The following CDH18 variants were observed in gnomAD, a reference collection of about 807,000 sequenced individuals.
The protein encoded by CDH18 is cadherin 18, also known as cadherin-18.
In CDH18, 31 loss-of-function variants were observed where a neutral mutation model predicts 67.9. The ratio of observed to expected loss-of-function variants is 0.46; its 90% CI spans 0.34 to 0.62. The LOEUF (loss-of-function observed/expected upper bound fraction) is 0.62. CDH18 is among the 20% of genes least tolerant of loss of function. CDH18 has a pLI of 0.01. For missense variants in CDH18, 890 were observed against 975.5 expected (o/e 0.91, Z 1.17); for synonymous variants, 362 against 347.2 (o/e 1.04, Z -0.48).
chr5:19,953,549 G>A (rs2150273481), intron 2 of CDH18, among the ~76,000 whole-genome samples: 1 of 152,106 alleles, frequency 6.6e-6, no homozygotes, highest in East Asian at 1.9e-4. Context: ...AAAATAAAAT[G>A]ATTAGAGTTT....
intron 2 of CDH18, among the ~76,000 whole-genome samples, chr5:19,901,793 C>T (rs565623189): frequency 2.0e-5 from 3 of 151,634 alleles, no homozygotes; most frequent in South Asian, 2.1e-4. Flanking sequence ...TAGTAACTCA[C>T]CATTACCACC....
At chr5:20,029,858 A>C (rs1260751616) in intron 2 of CDH18, among the ~76,000 whole-genome samples, 2 of 152,192 alleles carry the variant, frequency 1.3e-5, no homozygotes, top group Non-Finnish European at 2.9e-5. Flanking sequence ...TTTCTGCTCA[A>C]ATTATCGCAA....
intron 2 of CDH18, among the ~76,000 whole-genome samples, chr5:20,205,571 C>A (rs1739815757): frequency 6.6e-6 from 1 of 151,924 alleles, no homozygotes. Context: ...ACACTCTTTA[C>A]ATCAGCACTT....
chr5:19,721,273 T>C, intron 5 of CDH18, 74 bp downstream of exon 5: 4 of 1,380,004 alleles, frequency 2.9e-6, no homozygotes, highest in Non-Finnish European at 3.9e-6. Flanking sequence ...AAAGAGCATA[T>C]GGAAATAAAA....
chr5:19,764,763 AAGTC>A (rs1772857162), intron 3 of CDH18, among the ~76,000 whole-genome samples: 1 of 152,036 alleles, frequency 6.6e-6, no homozygotes, highest in African/African-American at 2.4e-5. Flanking sequence ...TTATGTGAAA[AAGTC>A]AGAATGTTTT....
chr5:19,589,897 C>G (rs1744810872), intron 7 of CDH18, among the ~76,000 whole-genome samples: 1 of 152,088 alleles, frequency 6.6e-6, no homozygotes, highest in African/African-American at 2.4e-5. Context: ...AGGCTTCTTT[C>G]AATTCTCTCT....
chr5:19,483,952 C>T (rs1224163811), intron 11 of CDH18, among the ~76,000 whole-genome samples: 2 of 152,072 alleles, frequency 1.3e-5, no homozygotes, highest in Admixed American at 1.3e-4. Context: ...AATAGGAGCA[C>T]AAATCTGTAT....
At chr5:20,369,019 T>C (rs940043899) in intron 1 of CDH18, among the ~76,000 whole-genome samples, 1 of 152,184 alleles carries the variant, frequency 6.6e-6, no homozygotes, top group Non-Finnish European at 1.5e-5. Context: ...ATCTTGGGAC[T>C]CAGCTTTCAC....
intron 1 of CDH18, among the ~76,000 whole-genome samples, chr5:20,443,512 T>G (rs1749786585): frequency 6.6e-6 from 1 of 151,792 alleles, no homozygotes; most frequent in Non-Finnish European, 1.5e-5. Flanking sequence ...TTTTGATGGT[T>G]CCAGGGGTAC....
intron 3 of CDH18, among the ~76,000 whole-genome samples, chr5:19,816,025 C>A (rs1377000353): frequency 6.6e-6 from 1 of 151,780 alleles, no homozygotes; most frequent in Non-Finnish European, 1.5e-5. Flanking sequence ...AACAGATACA[C>A]CATAAATACA....
chr5:20,437,422 G>C (rs16887342), intron 1 of CDH18, among the ~76,000 whole-genome samples: 4,797 of 151,278 alleles, frequency 0.032, 341 homozygotes, highest in African/African-American at 0.11. Context: ...ATCTAAGAGA[G>C]AAAGTTACTA....
intron 2 of CDH18, among the ~76,000 whole-genome samples, chr5:20,123,344 T>C (rs1429439987): frequency 6.6e-6 from 1 of 152,150 alleles, no homozygotes; most frequent in African/African-American, 2.4e-5. Context: ...CGCTGGAGGC[T>C]GTGTTTCCCA....
Position 19,916,427 on chromosome 5 carries a change from C to A in CDH18, c.-257+64633G>T, listed in dbSNP as rs557381305. ...CCTTCTCAGTGAGACATCACTTGAC[C>A]TTGATATTGAAGACTACAGCCTGTG... On this transcript the variant is annotated intron_variant, in intron 2 of 12. Transcript: ENST00000382275. Among the ~76,000 whole-genome samples, 7 of 152,298 alleles carry A rather than the reference C, an allele frequency of 4.6e-5. No individual in the cohort carries two copies. In the East Asian group the frequency reaches 1.4e-3, roughly 29 times the overall value.
intron 11 of CDH18, among the ~76,000 whole-genome samples, chr5:19,489,306 G>GGC (rs1417070756): frequency 9.7e-5 from 14 of 144,204 alleles, no homozygotes; most frequent in Middle Eastern, 7.3e-3. Context: ...GGAGTGCAGT[G>GGC]GTGCAATCTT....
chr5:19,825,271 G>C (rs939441457), intron 3 of CDH18, among the ~76,000 whole-genome samples: 7 of 152,138 alleles, frequency 4.6e-5, no homozygotes, highest in African/African-American at 1.7e-4. Context: ...ATGCCAGCTA[G>C]AGCTTCCAGC....
intron 2 of CDH18, among the ~76,000 whole-genome samples, chr5:20,039,266 T>G (rs570734427): frequency 4.6e-5 from 7 of 152,312 alleles, no homozygotes; most frequent in South Asian, 2.1e-4. Context: ...ATAACCATAT[T>G]GTCCAAAGTA....
chr5:20,044,300 G>C (rs948454709), intron 2 of CDH18, among the ~76,000 whole-genome samples: 3 of 152,088 alleles, frequency 2.0e-5, no homozygotes, highest in African/African-American at 4.8e-5. Context: ...TTCAAAAGAG[G>C]ATTGGTAGAG....
intron 1 of CDH18, among the ~76,000 whole-genome samples, chr5:20,296,424 G>GCTA (rs767511828): frequency 8.0e-5 from 12 of 149,642 alleles, no homozygotes; most frequent in Non-Finnish European, 1.3e-4. Context: ...ACCACGCCTG[G>GCTA]ATAATTTTTT....
rs573952944 is a variant in CDH18 at position 19,615,103 on chromosome 5, C to T, written c.644-2502G>A. On this transcript the variant is annotated intron_variant, in intron 5 of 12. Transcript: ENST00000382275. Reference sequence around the variant, plus strand: ...TGGAGGTTGCAGTGAGCCAAGATTGCGCCACTACACTCCAGCCCGGTGACA... The same window carrying T: ...TGGAGGTTGCAGTGAGCCAAGATTGTGCCACTACACTCCAGCCCGGTGACA... Among the ~76,000 whole-genome samples, 99 of 150,692 alleles carry T rather than the reference C, an allele frequency of 6.6e-4. 2 individuals carry two copies. The South Asian group carries it at 0.019, about 29-fold the overall frequency.
Sources: gnomAD v4.1 joint callset for allele counts (sites outside exome capture counted in the v4.1 genomes callset) on GRCh38, gnomAD v4.1.1 for gene constraint, MANE v1.5 for transcripts, NCBI Gene and HGNC (gene_info 2026-07-23, HGNC 2026-07-21) for gene names.